Variants in SEH1L observed in about 807,000 individuals in gnomAD.
The protein encoded by SEH1L is nucleoporin SEH1.
A neutral mutation model predicts 49.5 loss-of-function variants in SEH1L; 18 were observed. That is an observed-to-expected ratio of 0.36 (90% confidence interval 0.25 to 0.54). SEH1L has a LOEUF of 0.54. Ranked by LOEUF, SEH1L falls within the 20% of genes least tolerant of loss-of-function variation. SEH1L has a pLI of 0.87. For missense variants in SEH1L, 404 were observed against 528.8 expected, an observed-to-expected ratio of 0.76 and a Z score of 2.31; for synonymous variants, 169 against 178.1, an observed-to-expected ratio of 0.95 and a Z score of 0.41.
At chr18:12,955,700 AT>A in intron 3 of SEH1L, 91 bp downstream of exon 3, 1 of 1,283,750 alleles carries the variant, frequency 7.8e-7, no homozygotes, top group Non-Finnish European at 1.1e-6. Context: ...TTGGTAAAAT[AT>A]CACCACTCCC....
In SEH1L at chr18:12,963,265, G is replaced by C; in HGVS notation, c.415G>C (p.Val139Leu). The change falls in exon 4 of 9, where the codon GTA becomes CTA. Residue 139 changes from valine to leucine, a missense_variant. Transcript: ENST00000399892. ...AGCAACCTGTTCCGCAGATGGTATA[G>C]TAAGAATCTATGAGGCACCAGATGT... ...MLATCSADGI[V>L]RIYEAPDVMN... 6.2e-7 allele frequency: 1 copy of C among 1,614,110 alleles called. No homozygotes were observed. The highest frequency in any genetic ancestry group is 2.2e-5 in the East Asian group (1 of 44,878).
chr18:12,972,955 C>A (rs1256529419), intron 5 of SEH1L: 1 of 152,206 alleles, frequency 6.6e-6, no homozygotes, highest in Non-Finnish European at 1.5e-5. Context: ...CCTGCCATCT[C>A]AGCACTTTGG....
intron 6 of SEH1L, among the ~76,000 whole-genome samples, chr18:12,980,223 C>T (rs1314539327): frequency 7.1e-6 from 1 of 140,364 alleles, no homozygotes; most frequent in Non-Finnish European, 1.6e-5. Context: ...GACCCCCCCA[C>T]CTCCCTCCCG....
intron 8 of SEH1L, 63 bp from the exon 9 acceptor site, chr18:12,986,799 T>TTG: frequency 1.6e-6 from 2 of 1,216,336 alleles, no homozygotes. Flanking sequence ...TCTCTTTTTC[T>TTG]TGTGTTTTTT....
At chr18:12,949,017 TC>T (rs2030316318) in intron 1 of SEH1L, among the ~76,000 whole-genome samples, 2 of 149,854 alleles carry the variant, frequency 1.3e-5, no homozygotes, top group African/African-American at 5.0e-5. Flanking sequence ...CCCCGGCTAA[TC>T]TTTTTTTTTT....
chr18:12,982,352 C>A (rs1386701581), intron 6 of SEH1L, among the ~76,000 whole-genome samples, 166 bp from the exon 7 acceptor site: 2 of 151,924 alleles, frequency 1.3e-5, no homozygotes, highest in African/African-American at 4.8e-5. Flanking sequence ...GCTCAAGGGC[C>A]AAGGTGTGGG....
intron 8 of SEH1L, 75 bp from the exon 9 acceptor site, chr18:12,986,787 T>A: frequency 1.3e-5 from 16 of 1,262,206 alleles, no homozygotes; most frequent in Non-Finnish European, 1.6e-5. Context: ...ATTTACTACT[T>A]TTCTCTTTTT....
intron 1 of SEH1L, chr18:12,948,585 C>G (rs1385760359): frequency 5.2e-6 from 1 of 190,568 alleles, no homozygotes; most frequent in Middle Eastern, 2.1e-3. Context: ...GCTGTTCACC[C>G]GACGACCTGC....
intron 8 of SEH1L, chr18:12,985,601 A>C (rs8566): frequency 0.31 from 319,614 of 1,041,470 alleles, 51,514 homozygotes; most frequent in Admixed American, 0.36. Context: ...GAGGAGGGGA[A>C]TACCACTTTA....
chr18:12,957,489 T>C (rs1259379724), intron 3 of SEH1L, among the ~76,000 whole-genome samples: 2 of 152,216 alleles, frequency 1.3e-5, no homozygotes, highest in Admixed American at 1.3e-4. Context: ...CTTTGCCTTA[T>C]TGGATGTTTG....
intron 2 of SEH1L, among the ~76,000 whole-genome samples, chr18:12,952,771 C>G (rs1206365909): frequency 7.0e-6 from 1 of 142,176 alleles, no homozygotes; most frequent in East Asian, 2.2e-4. Context: ...CCCACCCTCT[C>G]TTCTCTTCTT....
chr18:12,986,756 C>A, intron 8 of SEH1L, 106 bp from the exon 9 acceptor site: 6 of 1,166,776 alleles, frequency 5.1e-6, no homozygotes, highest in East Asian at 3.3e-5. Context: ...CATGTGTTTT[C>A]TCCTCTTTGG....
At chr18:12,952,784 C>CTT (rs1259704216) in intron 2 of SEH1L, among the ~76,000 whole-genome samples, 31 of 94,504 alleles carry the variant, frequency 3.3e-4, no homozygotes, top group Non-Finnish European at 4.4e-4. Context: ...CTCTTCTTTT[C>CTT]TTTTTTTTTT....
chr18:12,986,694 T>C, intron 8 of SEH1L, 168 bp from the exon 9 acceptor site: 9 of 1,279,998 alleles, frequency 7.0e-6, no homozygotes, highest in East Asian at 3.0e-5. Flanking sequence ...TGTGCTATTA[T>C]GTTCTGTTAG....
intron 5 of SEH1L, chr18:12,977,192 A>C (rs1370504512): frequency 6.6e-6 from 1 of 152,198 alleles, no homozygotes; most frequent in Non-Finnish European, 1.5e-5. Flanking sequence ...GTTGGGATGA[A>C]AAGAAGGTCA....
intron 8 of SEH1L, chr18:12,986,623 G>T (rs2032467879): frequency 2.7e-6 from 3 of 1,124,272 alleles, no homozygotes; most frequent in Non-Finnish European, 3.3e-6. Context: ...TTAACAGATT[G>T]TATTCCTTTC....
At chr18:12,980,288 G>A (rs2032149501) in intron 6 of SEH1L, among the ~76,000 whole-genome samples, 1 of 134,482 alleles carries the variant, frequency 7.4e-6, no homozygotes, top group Non-Finnish European at 1.6e-5. Context: ...TGGCCGGGCA[G>A]AGGGGCTCCT....
At chr18:12,952,051 A>G (rs1598939331) in intron 2 of SEH1L, 146 bp downstream of exon 2, 1 of 471,530 alleles carries the variant, frequency 2.1e-6, no homozygotes, top group Admixed American at 4.1e-5. Flanking sequence ...CTATTAAAGT[A>G]ACAACTGTGT....
chr18:12,958,597 A>G (rs1342009950), intron 3 of SEH1L, among the ~76,000 whole-genome samples: 5 of 152,114 alleles, frequency 3.3e-5, no homozygotes, highest in African/African-American at 7.2e-5. Flanking sequence ...AAGTGGAATC[A>G]CAGTATTTGT....
Sources: allele counts gnomAD v4.1 joint callset (sites outside exome capture counted in the v4.1 genomes callset), GRCh38; gene constraint gnomAD v4.1.1; transcripts MANE v1.5; gene names NCBI Gene and HGNC (gene_info 2026-07-23, HGNC 2026-07-21).